The following FBXW2 variants were observed in gnomAD, a reference collection of about 807,000 sequenced individuals.
FBXW2 encodes F-box and WD repeat domain containing 2, also known as F-box/WD repeat-containing protein 2.
In FBXW2, 12 loss-of-function variants were observed where a neutral mutation model predicts 46.0. That is an observed-to-expected ratio of 0.26 (90% CI 0.17 to 0.42). The LOEUF (loss-of-function observed/expected upper bound fraction) is 0.42, where lower values mean the gene tolerates loss of function less well. Ranked by LOEUF, FBXW2 falls within the 10% of genes least tolerant of loss-of-function variation. The probability of loss-of-function intolerance (pLI) is 1.00; values close to 1 mark genes in which losing one functional copy is unlikely to be tolerated. For synonymous variants in FBXW2, 203 were observed against 209.6 expected, an observed-to-expected ratio of 0.97 and a Z score of 0.27; for missense variants, 360 against 537.0, an observed-to-expected ratio of 0.67 and a Z score of 3.26.
rs117761930 is a variant in FBXW2, at chr9:120,769,301, A to G, written c.1076+2047T>C. ...TCTGTGTTTGGGAGGAAAAAAGCAG[A>G]CACAAGACAGACTCTTTTCGGAGAA... On this transcript the variant is annotated intron_variant, in intron 7 of 7. Transcript: ENST00000608872. Among the ~76,000 whole-genome samples the G allele has an allele frequency of 1.6e-3, 237 of 152,346 alleles. 2 individuals carry two copies. Among genetic ancestry groups the G allele is most frequent in the East Asian group, 6.4e-3 (33 of 5,192 alleles).
chr9:120,775,291 G>A (rs35963427), intron 5 of FBXW2, among the ~76,000 whole-genome samples: 18,351 of 152,164 alleles, frequency 0.12, 1,256 homozygotes, highest in Middle Eastern at 0.17. Flanking sequence ...TGATCCGCCC[G>A]CCTTGGCCTC....
intron 3 of FBXW2, among the ~76,000 whole-genome samples, chr9:120,781,248 T>C (rs1389331259): frequency 6.6e-6 from 1 of 152,204 alleles, no homozygotes; most frequent in African/African-American, 2.4e-5. Flanking sequence ...CCCTGGTATA[T>C]ACCTATTAAA....
In FBXW2 at chr9:120,788,230, A is replaced by G. The variant is rs1177353283; in HGVS notation, c.29T>C (p.Leu10Pro). MERKDFETW[L>P]DNISVTFLSL... is the part of the protein sequence containing the mutation. ...AAGAAATGTAACAGAAATGTTATCA[A>G]GCCATGTCTCAAAGTCCTTTCTCTC... Residue 10 changes from leucine (L) to proline (P), a missense_variant, in exon 3 of 8, where the codon CTT (leucine) becomes CCT (proline). Transcript: ENST00000608872. 1 of 1,613,910 alleles carries G rather than the reference A, an allele frequency of 6.2e-7. No homozygotes were observed. The highest frequency in any genetic ancestry group is 8.5e-7 in the Non-Finnish European group (1 of 1,180,030).
chr9:120,781,679 C>T lies in FBXW2; in HGVS notation c.491-3134G>A, dbSNP rs113837813. On this transcript the variant is annotated intron_variant, in intron 3 of 7. Transcript: ENST00000608872. Reference sequence around the variant, plus strand: ...ACACACACACACACACACACACATACACACACACACATATATACATACATG... The same window carrying T: ...ACACACACACACACACACACACATATACACACACACATATATACATACATG... 2.5e-3 allele frequency among the ~76,000 whole-genome samples: 239 copies of T among 97,332 alleles called. 6 individuals are homozygous for T. The East Asian group carries it at 0.047, about 19-fold the overall frequency. The allele number at this position is 97,332 out of a possible 152,430, so 63.9% of individuals were successfully genotyped here.
At chr9:120,792,904 C>T (rs765429793) in intron 2 of FBXW2, 1 of 1,525,136 alleles carries the variant, frequency 6.6e-7, no homozygotes, top group South Asian at 1.2e-5. Flanking sequence ...CATGGCATAC[C>T]CACAATTATG....
Position 120,764,825 on chromosome 9 carries a change from C to T in FBXW2, c.1099G>A (p.Ala367Thr). The T allele has an allele frequency of 6.3e-7, 1 of 1,592,904 alleles. No individual in the cohort carries two copies. Among genetic ancestry groups the T allele is most frequent in the Admixed American group, 1.7e-5 (1 of 58,992 alleles). Residue 367 changes from alanine (A) to threonine (T), a missense_variant, in exon 8 of 8, where the codon GCA (alanine) becomes ACA (threonine). Coordinates refer to ENST00000608872, the MANE Select transcript of FBXW2 (RefSeq NM_012164.4). ...ILRVIKTPEI[A>T]NLALLGFGDI... ...CCAAAGCCAAGCAAGGCCAAGTTTG[C>T]TATCTCAGGAGTCTTGATGACCCTA...
chr9:120,768,652 C>T (rs775795594), intron 7 of FBXW2, among the ~76,000 whole-genome samples: 3 of 152,028 alleles, frequency 2.0e-5, no homozygotes, highest in Non-Finnish European at 2.9e-5. Context: ...GAAACCCCAT[C>T]GCTACTAAAA....
chr9:120,770,019 CA>C (rs1260250680), intron 7 of FBXW2, among the ~76,000 whole-genome samples: 2 of 152,172 alleles, frequency 1.3e-5, no homozygotes, highest in Non-Finnish European at 2.9e-5. Context: ...AGATGTGGCC[CA>C]CCAAAGTTTT....
intron 5 of FBXW2, among the ~76,000 whole-genome samples, chr9:120,775,261 C>A (rs2044468969): frequency 6.6e-6 from 1 of 152,156 alleles, no homozygotes; most frequent in Non-Finnish European, 1.5e-5. Context: ...CCAGGCTGGC[C>A]TCGAACTCCT....
chr9:120,772,947 G>C (rs774566090), intron 5 of FBXW2, 107 bp from the exon 6 acceptor site: 20 of 762,858 alleles, frequency 2.6e-5, no homozygotes, highest in Non-Finnish European at 3.9e-5. Flanking sequence ...TGCTAGAATA[G>C]CTAAGCCATA....
At chr9:120,766,031 T>C (rs1048991557) in intron 7 of FBXW2, among the ~76,000 whole-genome samples, 1 of 152,180 alleles carries the variant, frequency 6.6e-6, no homozygotes, top group African/African-American at 2.4e-5. Context: ...AACTAAGAGC[T>C]GAGCTACCAG....
At chr9:120,780,218 C>T (rs2044582278) in intron 3 of FBXW2, among the ~76,000 whole-genome samples, 1 of 151,192 alleles carries the variant, frequency 6.6e-6, no homozygotes, top group African/African-American at 2.4e-5. Context: ...ATTAGCCAGG[C>T]ATGATGGCGT....
chr9:120,789,905 CG>C (rs1217914421), intron 2 of FBXW2, among the ~76,000 whole-genome samples: 1 of 152,190 alleles, frequency 6.6e-6, no homozygotes, highest in African/African-American at 2.4e-5. Context: ...CAAGATAATA[CG>C]TTTCAAGCCA....
rs780155244 is a variant in FBXW2 at position 120,771,405 on chromosome 9, A to G, written c.1019T>C (p.Val340Ala). 1.2e-6 allele frequency: 2 copies of G among 1,614,222 alleles called. No homozygotes were observed. Among genetic ancestry groups the G allele is most frequent in the Admixed American group, 3.3e-5 (2 of 60,030 alleles). Residue 340 changes from valine (V) to alanine (A), a missense_variant, in exon 7 of 8, where the codon GTC becomes GCC. Coordinates refer to ENST00000608872, the MANE Select transcript of FBXW2 (RefSeq NM_012164.4). ...PRLHFDGKYI[V>A]CSSALGLYQW... ...GTAGAGACCAAGTGCTGAACTACAG[A>G]CAATGTATTTGCCATCAAAATGAAG...
intron 7 of FBXW2, among the ~76,000 whole-genome samples, chr9:120,767,622 G>C (rs2044298613): frequency 6.6e-6 from 1 of 152,176 alleles, no homozygotes; most frequent in Non-Finnish European, 1.5e-5. Flanking sequence ...AGCCTAAAGT[G>C]AGCTAGCCAA....
Position 120,757,234 on chromosome 9 carries a change from A to C in FBXW2, c.*7325T>G, listed in dbSNP as rs1203947517. On this transcript the variant is annotated 3_prime_UTR_variant, in exon 8 of 8. Coordinates refer to ENST00000608872, the MANE Select transcript of FBXW2 (RefSeq NM_012164.4). ...TTGAGATACTTCCTTTATATCTATTAAATTGGCAAACATGTTTAGAAATGT... is the reference window on the plus strand; with the variant it reads ...TTGAGATACTTCCTTTATATCTATTCAATTGGCAAACATGTTTAGAAATGT... The C allele has an allele frequency of 2.0e-5, 3 of 152,230 alleles. No individual in the cohort carries two copies. The highest frequency in any genetic ancestry group is 7.2e-5 in the African/African-American group (3 of 41,456). The allele number at this position is 152,230 out of a possible 1,614,324, so 9.4% of individuals were successfully genotyped here. A position where few individuals can be genotyped will look rare whatever the true frequency, so the allele number is the denominator to read the frequency against.
At position 120,772,061 on chromosome 9, in the gene FBXW2, A is replaced by G. The variant is rs1051832629; in HGVS notation, c.907-544T>C. 1.5e-4 allele frequency among the ~76,000 whole-genome samples: 15 copies of G among 99,508 alleles called. No homozygotes were observed. The East Asian group carries it at 2.0e-3, about 13-fold the overall frequency. The allele number at this position is 99,508 out of a possible 152,430, so 65.3% of individuals were successfully genotyped here. A position where few individuals can be genotyped will look rare whatever the true frequency, so the allele number is the denominator to read the frequency against. On this transcript the variant is annotated intron_variant, in intron 6 of 7. Coordinates refer to ENST00000608872, the MANE Select transcript of FBXW2 (RefSeq NM_012164.4). ...GTGACAGAGTGAGACCCTGTCTCAGAAAAAAAAAAAAAAAAAAAAAAAGAG... is the reference window on the plus strand; with the variant it reads ...GTGACAGAGTGAGACCCTGTCTCAGGAAAAAAAAAAAAAAAAAAAAAAGAG...
intron 3 of FBXW2, among the ~76,000 whole-genome samples, chr9:120,780,447 T>C (rs1390275477): frequency 6.6e-6 from 1 of 152,034 alleles, no homozygotes; most frequent in East Asian, 1.9e-4. Flanking sequence ...TCAATACAAA[T>C]ATTGAGATAT....
At chr9:120,784,359 C>G (rs1385640742) in intron 3 of FBXW2, among the ~76,000 whole-genome samples, 1 of 152,138 alleles carries the variant, frequency 6.6e-6, no homozygotes, top group Non-Finnish European at 1.5e-5. Flanking sequence ...CACCAGTAAT[C>G]CTAGCATTTT....
Sources: gnomAD v4.1 joint callset for allele counts (sites outside exome capture counted in the v4.1 genomes callset) on GRCh38, gnomAD v4.1.1 for gene constraint, MANE v1.5 for transcripts, NCBI Gene and HGNC (gene_info 2026-07-23, HGNC 2026-07-21) for gene names.